The following MCUB variants were observed in gnomAD, a reference collection of about 807,000 sequenced individuals.
MCUB encodes calcium uniporter regulatory subunit MCUb, mitochondrial.
MCUB carries 46 observed loss-of-function variants against 41.4 expected under a neutral mutation model. The ratio of observed to expected loss-of-function variants is 1.11; its 90% confidence interval spans 0.88 to 1.42. The LOEUF (loss-of-function observed/expected upper bound fraction) is 1.42. MCUB is among the 40% of genes most tolerant of loss of function. MCUB has a pLI of 0.00. For missense variants in MCUB, 403 were observed against 404.9 expected, an observed-to-expected ratio of 1.00 and a Z score of 0.04; for synonymous variants, 148 against 148.2, an observed-to-expected ratio of 1.00 and a Z score of 0.01.
At chr4:109,591,998 CCT>C (rs1243554939) in intron 1 of MCUB, among the ~76,000 whole-genome samples, 1 of 152,130 alleles carries the variant, frequency 6.6e-6, no homozygotes, top group African/African-American at 2.4e-5. Context: ...CGACGCCCAG[CCT>C]CTCGAGTATT....
intron 1 of MCUB, among the ~76,000 whole-genome samples, chr4:109,579,005 G>A (rs1034862373): frequency 1.3e-5 from 2 of 152,032 alleles, no homozygotes; most frequent in Non-Finnish European, 2.9e-5. Flanking sequence ...TTGGAGTCCC[G>A]CCTCCAATAT....
At position 109,660,199 on chromosome 4, in the gene MCUB, AAC is replaced by A. The variant is rs1255467952; in HGVS notation, c.182_183del (p.Thr61SerfsTer4). 6.8e-7 allele frequency: 1 copy of A among 1,475,688 alleles called. No individual in the cohort carries two copies. The highest frequency in any genetic ancestry group is 1.4e-5 in the African/African-American group (1 of 70,438). The allele number at this position is 1,475,688 out of a possible 1,614,324, so 91.4% of individuals were successfully genotyped here. Reference sequence around the variant, plus strand: ...TTTTCTTTTTTTCCTTAACAGAAATAACAGTTATTTATAGACATGGCCTTCCC... The same window carrying A: ...TTTTCTTTTTTTCCTTAACAGAAATAAGTTATTTATAGACATGGCCTTCCC... The part of the protein sequence containing the change: ...YSTVVPPDEI[T>X]VIYRHGLPLV... On this transcript the variant is annotated frameshift_variant, in exon 3 of 8. Coordinates refer to ENST00000394650, the MANE Select transcript of MCUB (RefSeq NM_017918.5). LOFTEE classifies it high-confidence loss of function.
intron 1 of MCUB, among the ~76,000 whole-genome samples, chr4:109,615,337 C>T (rs1166995865): frequency 6.6e-6 from 1 of 151,690 alleles, no homozygotes; most frequent in Non-Finnish European, 1.5e-5. Context: ...ATGGCCAACC[C>T]AAAAGAAGAG....
intron 1 of MCUB, among the ~76,000 whole-genome samples, chr4:109,635,441 C>T (rs192362490): frequency 2.2e-4 from 34 of 152,300 alleles, no homozygotes; most frequent in African/African-American, 7.2e-4. Context: ...GCAACATAGC[C>T]GCCCCCACAT....
chr4:109,570,404 T>C (rs1441609288), intron 1 of MCUB, among the ~76,000 whole-genome samples: 1 of 152,260 alleles, frequency 6.6e-6, no homozygotes, highest in African/African-American at 2.4e-5. Flanking sequence ...TGTCATTGTC[T>C]TTATGAGAAA....
At chr4:109,595,775 A>G (rs1727541234) in intron 1 of MCUB, among the ~76,000 whole-genome samples, 2 of 152,300 alleles carry the variant, frequency 1.3e-5, no homozygotes, top group African/African-American at 2.4e-5. Flanking sequence ...GTTAGAATGG[A>G]GGAGATTGTA....
Position 109,598,084 on chromosome 4 carries a change from G to A in MCUB, c.99+37648G>A, listed in dbSNP as rs1044394686. ...TCACTTCCTAGATGGGATGGCGGCC[G>A]GACGGAGACGCTCCTCACTTCCCAG... On this transcript the variant is annotated intron_variant, in intron 1 of 7. Transcript: ENST00000394650. Among the ~76,000 whole-genome samples the A allele has an allele frequency of 1.0e-4, 15 of 150,192 alleles. 1 individual carries two copies. Among genetic ancestry groups the A allele is most frequent in the South Asian group, 8.7e-4 (4 of 4,622 alleles).
Position 109,659,050 on chromosome 4 carries a change from C to CA in MCUB, c.140dup (p.Ser48ValfsTer5), listed in dbSNP as rs1561244312. ...GCTGTGTGGAAATGTGAAATACTAC[C>CA]AGTCACACCATTATAGTACCGTGGT... On this transcript the variant is annotated frameshift_variant, in exon 2 of 8. Transcript: ENST00000394650. LOFTEE classifies it high-confidence loss of function. 1.3e-6 allele frequency: 2 copies of CA among 1,540,338 alleles called. No homozygotes were observed. Among genetic ancestry groups the CA allele is most frequent in the Admixed American group, 3.9e-5 (2 of 50,970 alleles).
rs144346266 is a variant in MCUB, at chr4:109,673,475, G to A, written c.451+9081G>A. ...TGGAGATGGGAGGTCAGTGAGCCCA[G>A]GTTTCCCTGTAACCTCAGCTTATGA... On this transcript the variant is annotated intron_variant, in intron 4 of 7. Coordinates refer to ENST00000394650, the MANE Select transcript of MCUB (RefSeq NM_017918.5). Among the ~76,000 whole-genome samples, 714 of 152,304 alleles carry A rather than the reference G, an allele frequency of 4.7e-3. 7 individuals are homozygous for A. Among genetic ancestry groups the A allele is most frequent in the African/African-American group, 0.016 (665 of 41,550 alleles).
At chr4:109,604,116 G>T (rs1727815109) in intron 1 of MCUB, among the ~76,000 whole-genome samples, 1 of 151,848 alleles carries the variant, frequency 6.6e-6, no homozygotes, top group Non-Finnish European at 1.5e-5. Flanking sequence ...AACATGTGCT[G>T]TGTCCACTCA....
rs115503645 is a variant in MCUB, at chr4:109,640,195, C to T, written c.100-18816C>T. Among the ~76,000 whole-genome samples the T allele has an allele frequency of 7.1e-3, 1,080 of 152,256 alleles. 6 individuals carry two copies. Among genetic ancestry groups the T allele is most frequent in the African/African-American group, 0.025 (1,042 of 41,534 alleles). ...AGGGGAATATCTCAAAGTGCATTAT[C>T]GCAAGGGCGGGAGGGTGTATTGTCA... On this transcript the variant is annotated intron_variant, in intron 1 of 7. Coordinates refer to ENST00000394650, the MANE Select transcript of MCUB (RefSeq NM_017918.5).
chr4:109,646,001 C>A (rs1317947465), intron 1 of MCUB, among the ~76,000 whole-genome samples: 1 of 152,092 alleles, frequency 6.6e-6, no homozygotes. Context: ...AAGAAAGTCG[C>A]AAACCCTCCA....
chr4:109,571,249 C>T (rs1395515340), intron 1 of MCUB, among the ~76,000 whole-genome samples: 1 of 152,180 alleles, frequency 6.6e-6, no homozygotes, highest in East Asian at 1.9e-4. Flanking sequence ...TTTTATATAT[C>T]TTTCTGGTTC....
intron 1 of MCUB, among the ~76,000 whole-genome samples, chr4:109,566,047 G>A (rs1726767689): frequency 6.6e-6 from 1 of 151,612 alleles, no homozygotes; most frequent in African/African-American, 2.4e-5. Context: ...GTAGAGACAA[G>A]GTCTCACTAT....
intron 1 of MCUB, among the ~76,000 whole-genome samples, chr4:109,580,792 GTAC>G (rs1727153335): frequency 6.6e-6 from 1 of 152,128 alleles, no homozygotes; most frequent in African/African-American, 2.4e-5. Context: ...TGTCAGATGG[GTAC>G]ATTGTAAAAA....
Position 109,682,677 on chromosome 4 carries a change from A to C in MCUB, c.547A>C (p.Lys183Gln), listed in dbSNP as rs202078414. The C allele has an allele frequency of 3.1e-6, 5 of 1,613,746 alleles. No homozygotes were observed. The East Asian group carries it at 1.1e-4, about 36-fold the overall frequency. The change falls in exon 5 of 8, where the codon AAG (lysine) becomes CAG (glutamine). Residue 183 changes from lysine (K) to glutamine (Q), a missense_variant. Transcript: ENST00000394650. ...CTTGCATTTAGAAGAGTCTCAGAAA[A>C]AGAGAGAGCACCATTTACTGGAGAA... ...TILHLEESQK[K>Q]REHHLLEKID...
intron 1 of MCUB, among the ~76,000 whole-genome samples, chr4:109,569,495 C>T (rs1366082091): frequency 7.1e-6 from 1 of 141,400 alleles, no homozygotes. Flanking sequence ...TCTTGGCTAT[C>T]CCTTTTTTTT....
chr4:109,592,019 T>C (rs980842687), intron 1 of MCUB, among the ~76,000 whole-genome samples: 2 of 152,154 alleles, frequency 1.3e-5, no homozygotes, highest in Admixed American at 6.5e-5. Context: ...TTTTCTTAAC[T>C]TGATCTTTTA....
chr4:109,680,906 A>G (rs1729700838), intron 4 of MCUB, among the ~76,000 whole-genome samples: 2 of 152,186 alleles, frequency 1.3e-5, no homozygotes, highest in East Asian at 3.9e-4. Context: ...GAAGGGTATC[A>G]ATCTGAGGGA....
Sources: gnomAD v4.1 joint callset for allele counts (sites outside exome capture counted in the v4.1 genomes callset) on GRCh38, gnomAD v4.1.1 for gene constraint, MANE v1.5 for transcripts, NCBI Gene and HGNC (gene_info 2026-07-23, HGNC 2026-07-21) for gene names.